Variants in FAT3 observed in about 807,000 individuals in gnomAD.
FAT3 encodes the protein protocadherin Fat 3.
In FAT3, 95 loss-of-function variants were observed where a neutral mutation model predicts 310.2. The ratio of observed to expected loss-of-function variants is 0.31; its 90% CI spans 0.26 to 0.36. The LOEUF is 0.36. FAT3 is among the 10% of genes least tolerant of loss of function. The pLI, the probability that FAT3 is intolerant of heterozygous loss-of-function variation, is 1.00. For missense variants in FAT3, 5,408 were observed against 5,715.6 expected (o/e 0.95, Z 1.74); for synonymous variants, 2,314 against 2,192.9 (o/e 1.06, Z -1.54).
chr11:92,394,029 C>A (rs72970593), intron 2 of FAT3, among the ~76,000 whole-genome samples: 76 of 152,282 alleles, frequency 5.0e-4, no homozygotes, highest in African/African-American at 1.8e-3. Context: ...ACTGCATCTC[C>A]TATTCCTTTC....
intron 13 of FAT3, among the ~76,000 whole-genome samples, chr11:92,831,121 C>T (rs1249024190): frequency 6.6e-6 from 1 of 152,166 alleles, no homozygotes; most frequent in Non-Finnish European, 1.5e-5. Context: ...TCACAGCTCA[C>T]CAGTGGCTTC....
At chr11:92,702,700 T>C (rs1944139384) in intron 4 of FAT3, among the ~76,000 whole-genome samples, 1 of 152,222 alleles carries the variant, frequency 6.6e-6, no homozygotes, top group Admixed American at 6.5e-5. Context: ...TCTACTTAAA[T>C]AATCCTATAG....
intron 2 of FAT3, among the ~76,000 whole-genome samples, chr11:92,442,111 A>ATTTTTTT (rs869097021): frequency 1.8e-4 from 8 of 45,212 alleles, no homozygotes; most frequent in African/African-American, 3.7e-4. Flanking sequence ...ATATATATAT[A>ATTTTTTT]TTTTTTTTTT....
At chr11:92,574,983 A>G (rs545230988) in intron 3 of FAT3, among the ~76,000 whole-genome samples, 1 of 152,258 alleles carries the variant, frequency 6.6e-6, no homozygotes, top group East Asian at 1.9e-4. Flanking sequence ...GCCTGCACTT[A>G]GATTCGGGTC....
intron 2 of FAT3, among the ~76,000 whole-genome samples, chr11:92,491,886 T>C (rs1317760220): frequency 6.6e-6 from 1 of 152,026 alleles, no homozygotes; most frequent in Non-Finnish European, 1.5e-5. Context: ...TGGGCACCTA[T>C]AAGGATTGAA....
intron 20 of FAT3, among the ~76,000 whole-genome samples, chr11:92,858,510 C>T (rs1949040729): frequency 6.6e-6 from 1 of 152,026 alleles, no homozygotes; most frequent in Non-Finnish European, 1.5e-5. Context: ...GCTTTTCAGC[C>T]ATTACTTTTC....
chr11:92,545,654 G>A (rs1305756123), intron 3 of FAT3, among the ~76,000 whole-genome samples: 1 of 152,144 alleles, frequency 6.6e-6, no homozygotes, highest in African/African-American at 2.4e-5. Flanking sequence ...AAACATGATA[G>A]GTGTTGGTAA....
At chr11:92,324,704 T>C (rs1225821006) in intron 1 of FAT3, among the ~76,000 whole-genome samples, 1 of 152,204 alleles carries the variant, frequency 6.6e-6, no homozygotes, top group Non-Finnish European at 1.5e-5. Context: ...ATGGCGCCGA[T>C]AGACTTGCTC....
chr11:92,690,780 A>C (rs143677061), intron 3 of FAT3, among the ~76,000 whole-genome samples: 1 of 152,170 alleles, frequency 6.6e-6, no homozygotes, highest in Non-Finnish European at 1.5e-5. Context: ...GTCCATATGT[A>C]AATACTGCAG....
chr11:92,699,471 A>G (rs908838992), intron 4 of FAT3, among the ~76,000 whole-genome samples: 1 of 152,204 alleles, frequency 6.6e-6, no homozygotes, highest in African/African-American at 2.4e-5. Flanking sequence ...CCTTGAAACT[A>G]TGTACATCTA....
chr11:92,715,317 A>G (rs1363332371), intron 4 of FAT3, among the ~76,000 whole-genome samples: 1 of 151,856 alleles, frequency 6.6e-6, no homozygotes, highest in African/African-American at 2.4e-5. Context: ...CTGAGGCAGG[A>G]GAATGGTGTG....
chr11:92,890,146 C>T (rs1299024901), intron 27 of FAT3, among the ~76,000 whole-genome samples: 1 of 152,230 alleles, frequency 6.6e-6, no homozygotes, highest in African/African-American at 2.4e-5. Context: ...GACCTCTCTG[C>T]AAGCATGTTG....
At chr11:92,696,990 G>T (rs1051107144) in intron 3 of FAT3, among the ~76,000 whole-genome samples, 2 of 152,180 alleles carry the variant, frequency 1.3e-5, no homozygotes, top group East Asian at 3.9e-4. Context: ...CTGTTTCATA[G>T]TCTGAATCTA....
At chr11:92,254,673 A>C (rs1249373061) in intron 1 of FAT3, among the ~76,000 whole-genome samples, 1 of 152,034 alleles carries the variant, frequency 6.6e-6, no homozygotes, top group Non-Finnish European at 1.5e-5. Flanking sequence ...TGGTGAGGTC[A>C]GGGGAGGGTT....
chr11:92,656,743 T>C (rs1942595051), intron 3 of FAT3, among the ~76,000 whole-genome samples: 1 of 152,250 alleles, frequency 6.6e-6, no homozygotes, highest in Admixed American at 6.5e-5. Context: ...TTTCATTAAT[T>C]AGCCAGTTAA....
At chr11:92,804,379 T>C (rs1362863263) in intron 10 of FAT3, among the ~76,000 whole-genome samples, 2 of 152,148 alleles carry the variant, frequency 1.3e-5, no homozygotes, top group Non-Finnish European at 2.9e-5. Flanking sequence ...CATCATCTTC[T>C]TCCTTCCTCC....
chr11:92,429,890 TTCTC>T (rs1950727519), intron 2 of FAT3, among the ~76,000 whole-genome samples: 1 of 152,164 alleles, frequency 6.6e-6, no homozygotes, highest in Non-Finnish European at 1.5e-5. Flanking sequence ...CTTTGTGGTG[TTCTC>T]TCTATTTCCT....
intron 3 of FAT3, among the ~76,000 whole-genome samples, chr11:92,539,670 G>A (rs990407533): frequency 2.0e-4 from 31 of 152,116 alleles, no homozygotes; most frequent in African/African-American, 6.8e-4. Flanking sequence ...TATTTAAGTT[G>A]CCTCTTGGAA....
At chr11:92,285,281 T>TTTAG (rs869028405) in intron 1 of FAT3, among the ~76,000 whole-genome samples, 5 of 14,192 alleles carry the variant, frequency 3.5e-4, no homozygotes, top group African/African-American at 2.2e-3. Flanking sequence ...CTAAAAACAG[T>TTTAG]TTTTCTAGTT....
Sources: gnomAD v4.1 joint callset for allele counts (sites outside exome capture counted in the v4.1 genomes callset) on GRCh38, gnomAD v4.1.1 for gene constraint, MANE v1.5 for transcripts, NCBI Gene and HGNC (gene_info 2026-07-23, HGNC 2026-07-21) for gene names.